The following DNAAF9 variants were observed in gnomAD, a reference collection of about 807,000 sequenced individuals.
DNAAF9 encodes the protein dynein axonemal assembly factor 9, also known as shulin.
DNAAF9 carries 90 observed loss-of-function variants against 167.0 expected under a neutral mutation model. That is an observed-to-expected ratio of 0.54 (90% CI 0.45 to 0.64). The LOEUF (loss-of-function observed/expected upper bound fraction) is 0.64, where lower values mean the gene tolerates loss of function less well. Among genes scored for constraint, DNAAF9 ranks in the 30% least tolerant of loss-of-function variants. DNAAF9 has a pLI of 0.00. For missense variants in DNAAF9, 1,315 were observed against 1,442.2 expected, an observed-to-expected ratio of 0.91 and a Z score of 1.43; for synonymous variants, 491 against 508.8, an observed-to-expected ratio of 0.96 and a Z score of 0.47.
chr20:3,275,944 C>T (rs2068669292), intron 29 of DNAAF9, among the ~76,000 whole-genome samples: 1 of 152,212 alleles, frequency 6.6e-6, no homozygotes, highest in African/African-American at 2.4e-5. Flanking sequence ...CTTTTAAAAG[C>T]AGGCCATGAC....
chr20:3,270,771 G>A (rs1377801000), intron 29 of DNAAF9, among the ~76,000 whole-genome samples: 1 of 150,780 alleles, frequency 6.6e-6, no homozygotes, highest in Non-Finnish European at 1.5e-5. Flanking sequence ...ATAGCTTCAA[G>A]TCTGTAGCTG....
intron 22 of DNAAF9, among the ~76,000 whole-genome samples, chr20:3,297,227 C>T (rs774199631): frequency 3.3e-5 from 5 of 152,092 alleles, no homozygotes; most frequent in East Asian, 1.9e-4. Flanking sequence ...TAGCAGCAGA[C>T]GCATGTTCTC....
chr20:3,349,252 C>T (rs1022703764), intron 7 of DNAAF9, among the ~76,000 whole-genome samples: 17 of 145,960 alleles, frequency 1.2e-4, no homozygotes, highest in African/African-American at 3.8e-4. Context: ...CTTGGTGGTG[C>T]GCACCTGTTG....
Position 3,348,622 on chromosome 20 carries a change from T to C in DNAAF9, c.692A>G (p.Asp231Gly). Residue 231 changes from aspartate (D) to glycine (G), a missense_variant and splice_region_variant, in exon 8 of 37, where the codon GAT becomes GGT. Transcript: ENST00000252032. ...PMSLESLLSD[D>G]LVAFEHQWTS... Reference sequence around the variant, plus strand: ...CCACTGATGTTCAAAAGCCACCAAATCCTGGGAAAAAAAGGAAAAAGATAA... The same window carrying C: ...CCACTGATGTTCAAAAGCCACCAAACCCTGGGAAAAAAAGGAAAAAGATAA... The C allele has an allele frequency of 6.3e-7, 1 of 1,586,036 alleles. No individual in the cohort carries two copies.
chr20:3,321,435 T>C (rs1442833828), intron 16 of DNAAF9, among the ~76,000 whole-genome samples: 14 of 152,238 alleles, frequency 9.2e-5, no homozygotes, highest in Admixed American at 9.2e-4. Context: ...TTTAGGCATA[T>C]CTACACATAG....
intron 6 of DNAAF9, among the ~76,000 whole-genome samples, chr20:3,361,325 G>C (rs1258825270): frequency 6.6e-6 from 1 of 152,124 alleles, no homozygotes; most frequent in Non-Finnish European, 1.5e-5. Context: ...GGAGTGTGGG[G>C]ACAGGATGAT....
intron 30 of DNAAF9, among the ~76,000 whole-genome samples, chr20:3,265,276 T>G (rs1166289645): frequency 6.6e-6 from 1 of 151,528 alleles, no homozygotes; most frequent in Admixed American, 6.6e-5. Flanking sequence ...TCAAGAATCA[T>G]TCATTAGGCC....
intron 1 of DNAAF9, among the ~76,000 whole-genome samples, chr20:3,389,897 G>T (rs183744475): frequency 9.9e-5 from 15 of 152,200 alleles, no homozygotes; most frequent in South Asian, 6.2e-4. Flanking sequence ...TTAGCCTGGC[G>T]TGATGGCGTG....
chr20:3,369,693 G>C (rs1282381694), intron 6 of DNAAF9, among the ~76,000 whole-genome samples: 1 of 152,060 alleles, frequency 6.6e-6, no homozygotes, highest in Non-Finnish European at 1.5e-5. Context: ...TAACTTTAAA[G>C]GTTAAAGTCT....
intron 30 of DNAAF9, among the ~76,000 whole-genome samples, chr20:3,270,160 A>T (rs1446792696): frequency 7.6e-6 from 1 of 132,434 alleles, no homozygotes; most frequent in African/African-American, 2.8e-5. Flanking sequence ...TTTTTTAAAG[A>T]GATGGGGTCT....
intron 16 of DNAAF9, 130 bp downstream of exon 16, chr20:3,322,087 G>A: frequency 1.5e-6 from 1 of 684,286 alleles, no homozygotes; most frequent in Non-Finnish European, 2.6e-6. Context: ...GCTGGGATAG[G>A]ACTGAGAGAA....
chr20:3,303,713 A>T (rs1414096673), intron 21 of DNAAF9, among the ~76,000 whole-genome samples: 2 of 152,190 alleles, frequency 1.3e-5, no homozygotes, highest in Non-Finnish European at 2.9e-5. Flanking sequence ...TCCCAGACAG[A>T]CTGGTTTTGA....
chr20:3,370,869 A>T lies in DNAAF9; in HGVS notation c.612+3179T>A, dbSNP rs78608076. 5.4e-3 allele frequency among the ~76,000 whole-genome samples: 828 copies of T among 152,100 alleles called. 2 individuals carry two copies. The highest frequency in any genetic ancestry group is 6.8e-3 in the Middle Eastern group (2 of 294). On this transcript the variant is annotated intron_variant, in intron 6 of 36. Transcript: ENST00000252032. ...AGTTTTTTTACAAAACCTCCACCCAAATCTCTTCTTTGTTTTTCCTAGGGT... is the reference window on the plus strand; with the variant it reads ...AGTTTTTTTACAAAACCTCCACCCATATCTCTTCTTTGTTTTTCCTAGGGT...
intron 6 of DNAAF9, among the ~76,000 whole-genome samples, chr20:3,372,877 C>T (rs1365892072): frequency 3.3e-5 from 5 of 152,182 alleles, no homozygotes; most frequent in Non-Finnish European, 7.3e-5. Context: ...ATATAGTAGG[C>T]ACTCAGACCT....
At chr20:3,340,443 CACCCCA>C in intron 10 of DNAAF9, 55 bp downstream of exon 10, 1 of 190,704 alleles carries the variant, frequency 5.2e-6, no homozygotes, top group Non-Finnish European at 1.1e-5. Context: ...TCCCCCCACC[CACCCCA>C]CCCCCACAAC....
At chr20:3,349,981 C>A (rs1365523402) in intron 7 of DNAAF9, among the ~76,000 whole-genome samples, 2 of 152,094 alleles carry the variant, frequency 1.3e-5, no homozygotes, top group African/African-American at 2.4e-5. Flanking sequence ...AGATCTACGC[C>A]CTCCTCCTCT....
intron 27 of DNAAF9, among the ~76,000 whole-genome samples, chr20:3,287,223 C>A (rs2068866939): frequency 6.6e-6 from 1 of 152,192 alleles, no homozygotes; most frequent in South Asian, 2.1e-4. Context: ...GGGCCACAAT[C>A]CAGGGCATGG....
intron 1 of DNAAF9, among the ~76,000 whole-genome samples, 165 bp from the exon 2 acceptor site, chr20:3,382,671 A>T (rs1238579255): frequency 6.6e-6 from 1 of 152,104 alleles, no homozygotes; most frequent in Admixed American, 6.5e-5. Flanking sequence ...ATGGATTGGG[A>T]AGGTTCCTTT....
chr20:3,327,419 A>G (rs1568606694), intron 12 of DNAAF9, among the ~76,000 whole-genome samples: 1 of 152,130 alleles, frequency 6.6e-6, no homozygotes, highest in Non-Finnish European at 1.5e-5. Flanking sequence ...GTTGAGAACC[A>G]CTGCCTTGGA....
Sources: gnomAD v4.1 joint callset for allele counts (sites outside exome capture counted in the v4.1 genomes callset) on GRCh38, gnomAD v4.1.1 for gene constraint, MANE v1.5 for transcripts, NCBI Gene and HGNC (gene_info 2026-07-23, HGNC 2026-07-21) for gene names.